MYO16: variants seen among roughly 807,000 people sequenced by gnomAD.
The protein encoded by MYO16 is myosin XVI.
MYO16 carries 94 observed loss-of-function variants against 205.3 expected under a neutral mutation model. That is an observed-to-expected ratio of 0.46 (90% confidence interval 0.39 to 0.54). MYO16 has a LOEUF of 0.54. Ranked by LOEUF, MYO16 falls within the 20% of genes least tolerant of loss-of-function variation. The pLI is 0.00. For missense variants in MYO16, 2,315 were observed against 2,387.5 expected (o/e 0.97, Z 0.63); for synonymous variants, 988 against 954.0 (o/e 1.04, Z -0.66).
chr13:108,920,208 G>C (rs1412714957), intron 16 of MYO16, among the ~76,000 whole-genome samples: 1 of 152,160 alleles, frequency 6.6e-6, no homozygotes, highest in African/African-American at 2.4e-5. Flanking sequence ...TGATAAACCT[G>C]CTTCTGTGTC....
intron 22 of MYO16, among the ~76,000 whole-genome samples, chr13:109,009,787 T>C (rs1594466144): frequency 6.6e-6 from 1 of 152,248 alleles, no homozygotes; most frequent in South Asian, 2.1e-4. Context: ...TATGAATTTT[T>C]CTGATTAACA....
chr13:108,773,027 T>G (rs1245102696), intron 4 of MYO16, among the ~76,000 whole-genome samples: 2 of 152,186 alleles, frequency 1.3e-5, no homozygotes, highest in African/African-American at 2.4e-5. Context: ...ATTTGATGTT[T>G]GGTGAAAGCC....
intron 21 of MYO16, among the ~76,000 whole-genome samples, chr13:108,998,420 G>C (rs2139454903): frequency 6.6e-6 from 1 of 152,212 alleles, no homozygotes; most frequent in African/African-American, 2.4e-5. Flanking sequence ...TGGCAGGTAA[G>C]GTACAAATGT....
At chr13:109,175,230 C>T (rs1173962387) in intron 33 of MYO16, among the ~76,000 whole-genome samples, 1 of 152,170 alleles carries the variant, frequency 6.6e-6, no homozygotes, top group Non-Finnish European at 1.5e-5. Flanking sequence ...TCTTTGTGTC[C>T]TGCAGGAAGG....
At chr13:108,968,183 T>G (rs956353054) in intron 20 of MYO16, among the ~76,000 whole-genome samples, 1 of 152,270 alleles carries the variant, frequency 6.6e-6, no homozygotes, top group African/African-American at 2.4e-5. Flanking sequence ...TCTTCACCTC[T>G]CGTATGCTCC....
intron 12 of MYO16, among the ~76,000 whole-genome samples, chr13:108,873,358 CTG>C (rs1366092424): frequency 9.9e-5 from 15 of 152,252 alleles, no homozygotes; most frequent in Non-Finnish European, 2.2e-4. Context: ...ATCATTAACT[CTG>C]TTATATTAAG....
At chr13:108,673,603 G>A (rs1882083924) in intron 2 of MYO16, among the ~76,000 whole-genome samples, 1 of 151,918 alleles carries the variant, frequency 6.6e-6, no homozygotes, top group South Asian at 2.1e-4. Context: ...CTACTCCTCA[G>A]ATCCTTGTAC....
At chr13:108,923,080 G>A (rs753832785) in intron 16 of MYO16, among the ~76,000 whole-genome samples, 3 of 152,166 alleles carry the variant, frequency 2.0e-5, no homozygotes, top group Non-Finnish European at 4.4e-5. Context: ...TTCAAACCCT[G>A]ATTCGTAAAA....
At chr13:109,013,963 T>C (rs1239918049) in intron 22 of MYO16, among the ~76,000 whole-genome samples, 1 of 152,258 alleles carries the variant, frequency 6.6e-6, no homozygotes, top group African/African-American at 2.4e-5. Context: ...AGAAACTCTT[T>C]AGTTTAATTA....
rs967448214 is a variant in MYO16 at position 109,174,900 on chromosome 13, T to C, written c.5324-4642T>C. On this transcript the variant is annotated intron_variant, in intron 33 of 34. Transcript: ENST00000457511. ...CCGAGTAGCTGGGACTACAGGCGCATGCCACCACATTTTTTTTTTTGTATT... is the reference window on the plus strand; with the variant it reads ...CCGAGTAGCTGGGACTACAGGCGCACGCCACCACATTTTTTTTTTTGTATT... 3.4e-5 allele frequency among the ~76,000 whole-genome samples: 5 copies of C among 149,238 alleles called. No homozygotes were observed. In the Admixed American group the frequency reaches 3.4e-4, roughly 10 times the overall value.
chr13:108,873,471 C>T (rs113875943), intron 12 of MYO16, among the ~76,000 whole-genome samples: 53 of 152,346 alleles, frequency 3.5e-4, no homozygotes, highest in African/African-American at 1.2e-3. Flanking sequence ...CTACACAAGG[C>T]GGCAGGCAGC....
intron 32 of MYO16, among the ~76,000 whole-genome samples, chr13:109,159,699 G>A (rs1455670298): frequency 6.6e-6 from 1 of 151,798 alleles, no homozygotes; most frequent in African/African-American, 2.4e-5. Context: ...GACCTGGCGA[G>A]GAAGACAGGT....
At chr13:108,625,513 A>G (rs756737285), upstream of MYO16, among the ~76,000 whole-genome samples, 7 of 152,206 alleles carry the variant, frequency 4.6e-5, no homozygotes, top group Non-Finnish European at 8.8e-5. Context: ...GACCGGAGTT[A>G]TGTTCCCAGG....
At chr13:108,630,292 C>T (rs867116109) in intron 1 of MYO16, among the ~76,000 whole-genome samples, 1 of 152,210 alleles carries the variant, frequency 6.6e-6, no homozygotes, top group African/African-American at 2.4e-5. Context: ...AGTTTTACTG[C>T]TTAAGCCTCT....
At chr13:108,908,746 G>A (rs1465232289) in intron 15 of MYO16, among the ~76,000 whole-genome samples, 1 of 151,970 alleles carries the variant, frequency 6.6e-6, no homozygotes, top group Non-Finnish European at 1.5e-5. Context: ...GGCCGAGGTG[G>A]GCAGATCACT....
chr13:109,176,497 G>T lies in MYO16; in HGVS notation c.5324-3045G>T, dbSNP rs371341566. Reference sequence around the variant, plus strand: ...TTCTTTTTTTTTATTCATGGTTTGTGCGTTTGGTGTCATTTTAAAATAATT... The same window carrying T: ...TTCTTTTTTTTTATTCATGGTTTGTTCGTTTGGTGTCATTTTAAAATAATT... On this transcript the variant is annotated intron_variant, in intron 33 of 34. Coordinates refer to ENST00000457511, the MANE Select transcript of MYO16 (RefSeq NM_001198950.3). Among the ~76,000 whole-genome samples, 10 of 135,082 alleles carry T rather than the reference G, an allele frequency of 7.4e-5. No homozygotes were observed. In the East Asian group the frequency reaches 2.1e-3, roughly 28 times the overall value. 88.6% of individuals were successfully genotyped at this position (135,082 alleles called of 152,430 possible). A position where few individuals can be genotyped will look rare whatever the true frequency, so the allele number is the denominator to read the frequency against.
rs78784042 is a variant in MYO16 at position 108,821,708 on chromosome 13, C to T, written c.943+1296C>T. Among the ~76,000 whole-genome samples, 461 of 152,166 alleles carry T rather than the reference C, an allele frequency of 3.0e-3. 1 individual carries two copies. Among genetic ancestry groups the T allele is most frequent in the Non-Finnish European group, 5.3e-3 (363 of 67,996 alleles). On this transcript the variant is annotated intron_variant, in intron 8 of 34. Transcript: ENST00000457511. Reference sequence around the variant, plus strand: ...GTCTAGTGTCATTTCAAACAGATGTCCAGGCATGGCAGTTGACAATCTTAG... The same window carrying T: ...GTCTAGTGTCATTTCAAACAGATGTTCAGGCATGGCAGTTGACAATCTTAG...
rs558921045 is a variant in MYO16, at chr13:108,918,379, G to C, written c.1925+8229G>C. Among the ~76,000 whole-genome samples the C allele has an allele frequency of 1.1e-3, 173 of 152,334 alleles. 1 individual carries two copies. The highest frequency in any genetic ancestry group is 2.0e-3 in the Non-Finnish European group (133 of 68,028). ...AACTACCTTCACTAAAATTTTGAGTGTCAGGCACAACACTCAGTAATTAAT... is the reference window on the plus strand; with the variant it reads ...AACTACCTTCACTAAAATTTTGAGTCTCAGGCACAACACTCAGTAATTAAT... On this transcript the variant is annotated intron_variant, in intron 16 of 34. Coordinates refer to ENST00000457511, the MANE Select transcript of MYO16 (RefSeq NM_001198950.3).
the MYO16 span, among the ~76,000 whole-genome samples, chr13:108,585,000 T>C: frequency 2.0e-5 from 3 of 152,224 alleles, no homozygotes; most frequent in Non-Finnish European, 2.9e-5. Flanking sequence ...ATGAGCAAGA[T>C]CTTATTTTCT....
Sources: gnomAD v4.1 joint callset for allele counts (sites outside exome capture counted in the v4.1 genomes callset) on GRCh38, gnomAD v4.1.1 for gene constraint, MANE v1.5 for transcripts, NCBI Gene and HGNC (gene_info 2026-07-23, HGNC 2026-07-21) for gene names.